The following RUNX1T1 variants were observed in gnomAD, a reference collection of about 807,000 sequenced individuals.
RUNX1T1 encodes RUNX1 partner transcriptional co-repressor 1, also known as protein CBFA2T1.
In RUNX1T1, 4 loss-of-function variants were observed where a neutral mutation model predicts 62.8. The observed-to-expected ratio is 0.06, with a 90% CI of 0.03 to 0.15. RUNX1T1 has a LOEUF of 0.15. Ranked by LOEUF, RUNX1T1 falls within the 10% of genes least tolerant of loss-of-function variation. RUNX1T1 has a pLI of 1.00. For synonymous variants in RUNX1T1, 291 were observed against 286.0 expected, an observed-to-expected ratio of 1.02 and a Z score of -0.18; for missense variants, 508 against 754.3, an observed-to-expected ratio of 0.67 and a Z score of 3.82.
At chr8:92,077,421 A>G (rs1026102659) in intron 1 of RUNX1T1, among the ~76,000 whole-genome samples, 49 of 152,088 alleles carry the variant, frequency 3.2e-4, no homozygotes, top group African/African-American at 1.2e-3. Context: ...AGGTTGTGTA[A>G]GTACTCAAAT....
exon 9 of RUNX1T1, chr8:91,975,941 A>G (rs746612830): frequency 1.6e-5 from 26 of 1,613,680 alleles, no homozygotes; most frequent in Non-Finnish European, 2.1e-5. Flanking sequence ...ACGTATCCAG[A>G]CGCAGGCCTG....
intron 1 of RUNX1T1, among the ~76,000 whole-genome samples, chr8:92,018,045 CAG>C (rs1384301318): frequency 6.6e-6 from 1 of 151,408 alleles, no homozygotes; most frequent in Non-Finnish European, 1.5e-5. Flanking sequence ...TAATCTCAAA[CAG>C]AGTTAAGAAT....
rs142005703 is a variant in RUNX1T1, at chr8:92,040,100, C to T, written c.7+22446G>A. ...TACTTTCTCACAGCATATGCTCCAG[C>T]CCTGGCAATTCATACCAGGTCATGG... On this transcript the variant is annotated intron_variant, in intron 1 of 10. Coordinates refer to ENST00000396218, the Ensembl canonical transcript of RUNX1T1. Among the ~76,000 whole-genome samples, 66 of 152,258 alleles carry T rather than the reference C, an allele frequency of 4.3e-4. No homozygotes were observed. The East Asian group carries it at 0.011, about 25-fold the overall frequency.
intron 1 of RUNX1T1, among the ~76,000 whole-genome samples, chr8:92,095,893 CAG>C (rs1269927073): frequency 2.0e-5 from 3 of 152,268 alleles, no homozygotes; most frequent in South Asian, 4.1e-4. Context: ...CTGTCAAGGT[CAG>C]AGGAGGATCA....
intron 4 of RUNX1T1, chr8:92,009,613 T>A (rs1475462367): frequency 7.0e-6 from 1 of 143,066 alleles, no homozygotes; most frequent in Non-Finnish European, 1.5e-5. Context: ...TTTTTTTTTC[T>A]TTTTTAGCAC....
intron 1 of RUNX1T1, among the ~76,000 whole-genome samples, chr8:92,091,272 C>T (rs2130903105): frequency 6.6e-6 from 1 of 152,308 alleles, no homozygotes; most frequent in Non-Finnish European, 1.5e-5. Flanking sequence ...CTGCTTTATT[C>T]CTTCATGAAT....
intron 8 of RUNX1T1, among the ~76,000 whole-genome samples, chr8:91,985,396 A>G (rs1314265505): frequency 6.6e-6 from 1 of 152,192 alleles, no homozygotes; most frequent in African/African-American, 2.4e-5. Flanking sequence ...CAATTCCCAA[A>G]TATCAATAAG....
At chr8:92,100,977 T>TA (rs1838008381), upstream of RUNX1T1, among the ~76,000 whole-genome samples, 1 of 152,146 alleles carries the variant, frequency 6.6e-6, no homozygotes, top group African/African-American at 2.4e-5. Context: ...TGCCATAAAC[T>TA]AAAAGGAGGC....
At chr8:92,004,846 A>C (rs1820436180) in intron 5 of RUNX1T1, 1 of 321,146 alleles carries the variant, frequency 3.1e-6, no homozygotes, top group Non-Finnish European at 5.6e-6. Flanking sequence ...GTACTTGGCA[A>C]ATCAGAAAAA....
intron 1 of RUNX1T1, among the ~76,000 whole-genome samples, chr8:92,049,915 G>A (rs73695109): frequency 2.6e-3 from 402 of 152,026 alleles, no homozygotes; most frequent in African/African-American, 8.9e-3. Flanking sequence ...TGTCCATTAC[G>A]GTATATTTAA....
chr8:91,991,877 A>G (rs772039715), exon 6 of RUNX1T1: 2 of 1,613,860 alleles, frequency 1.2e-6, no homozygotes, highest in Non-Finnish European at 1.7e-6. Context: ...TGTCAAAGCC[A>G]TTTTCTTTGG....
At chr8:92,053,388 A>G (rs1263887906) in intron 1 of RUNX1T1, among the ~76,000 whole-genome samples, 1 of 152,222 alleles carries the variant, frequency 6.6e-6, no homozygotes, top group Non-Finnish European at 1.5e-5. Context: ...GACAAGAATG[A>G]AAAATGGCCA....
chr8:92,035,105 G>T (rs1827161064), intron 1 of RUNX1T1, among the ~76,000 whole-genome samples: 1 of 151,934 alleles, frequency 6.6e-6, no homozygotes, highest in African/African-American at 2.4e-5. Context: ...GACCAGCCTG[G>T]CCAACGTGGT....
At chr8:91,993,371 G>A (rs752311165) in intron 5 of RUNX1T1, among the ~76,000 whole-genome samples, 1 of 152,110 alleles carries the variant, frequency 6.6e-6, no homozygotes, top group Non-Finnish European at 1.5e-5. Flanking sequence ...AAAGGACTTA[G>A]AGACAGAAGG....
At chr8:92,103,053 G>A, upstream of RUNX1T1, 4 of 569,230 alleles carry the variant, frequency 7.0e-6, no homozygotes, top group South Asian at 5.5e-5. Context: ...GAGCGACTAC[G>A]GCCGCCCGGC....
At chr8:91,976,163 G>A (rs1359287075) in intron 8 of RUNX1T1, 190 bp from the exon 10 acceptor site, 4 of 539,192 alleles carry the variant, frequency 7.4e-6, no homozygotes, top group African/African-American at 1.9e-5. Flanking sequence ...AGAGCCCAAG[G>A]AAAACAGAGG....
At chr8:92,095,698 G>A in intron 1 of RUNX1T1, 1 of 710,474 alleles carries the variant, frequency 1.4e-6, no homozygotes, top group Non-Finnish European at 2.1e-6. Context: ...GGAGGAGGGG[G>A]CGGGGGCTCA....
At chr8:92,014,907 A>G in intron 2 of RUNX1T1, 87 bp from the exon 4 acceptor site, 1 of 1,304,604 alleles carries the variant, frequency 7.7e-7, no homozygotes, top group Non-Finnish European at 1.0e-6. Flanking sequence ...TACCTTTTAC[A>G]TCTACTAGTT....
intron 1 of RUNX1T1, among the ~76,000 whole-genome samples, chr8:92,032,093 C>CAAAAA (rs59047751): frequency 2.7e-4 from 8 of 29,524 alleles, no homozygotes; most frequent in East Asian, 1.7e-3. Flanking sequence ...AATCCTGTCT[C>CAAAAA]AAAAAAAAAA....
Sources: allele counts gnomAD v4.1 joint callset (sites outside exome capture counted in the v4.1 genomes callset), GRCh38; gene constraint gnomAD v4.1.1; transcripts MANE v1.5; gene names NCBI Gene and HGNC (gene_info 2026-07-23, HGNC 2026-07-21).